Variants in RYR2 observed in about 807,000 individuals in gnomAD.
RYR2 encodes ryanodine receptor 2.
RYR2 carries 227 observed loss-of-function variants against 601.1 expected under a neutral mutation model. The ratio of observed to expected loss-of-function variants is 0.38; its 90% confidence interval spans 0.34 to 0.42. The LOEUF (loss-of-function observed/expected upper bound fraction) is 0.42, where lower values mean the gene tolerates loss of function less well. RYR2 is among the 10% of genes least tolerant of loss of function. The pLI, the probability that RYR2 is intolerant of heterozygous loss-of-function variation, is 1.00. For missense variants in RYR2, 4,646 were observed against 6,156.5 expected (o/e 0.75, Z 8.21); for synonymous variants, 2,223 against 2,175.1 (o/e 1.02, Z -0.61).
intron 1 of RYR2, among the ~76,000 whole-genome samples, chr1:237,046,168 A>T (rs941082258): frequency 3.3e-5 from 5 of 152,214 alleles, no homozygotes; most frequent in East Asian, 1.9e-4. Context: ...GGTGACAATT[A>T]TGCAGTATAG....
chr1:237,179,131 C>T (rs925583056), intron 1 of RYR2, among the ~76,000 whole-genome samples: 3 of 152,104 alleles, frequency 2.0e-5, no homozygotes, highest in South Asian at 4.1e-4. Context: ...TTTAGGAATG[C>T]CTTGAGTAGC....
At chr1:237,593,760 C>A in intron 33 of RYR2, 124 bp downstream of exon 33, 2 of 992,828 alleles carry the variant, frequency 2.0e-6, no homozygotes, top group Non-Finnish European at 2.9e-6. Flanking sequence ...ATAATCAAGC[C>A]ATTAATGTCA....
At chr1:237,166,106 G>C (rs1676688190) in intron 1 of RYR2, among the ~76,000 whole-genome samples, 1 of 152,200 alleles carries the variant, frequency 6.6e-6, no homozygotes, top group South Asian at 2.1e-4. Context: ...AGATTCCTCT[G>C]TCAGGCCACC....
At chr1:237,489,344 C>T (rs1452813239) in intron 17 of RYR2, among the ~76,000 whole-genome samples, 1 of 152,138 alleles carries the variant, frequency 6.6e-6, no homozygotes, top group Admixed American at 6.5e-5. Context: ...CCATCTCATA[C>T]CAGTCACACT....
chr1:237,099,784 A>G (rs991576406), intron 1 of RYR2, among the ~76,000 whole-genome samples: 1 of 152,224 alleles, frequency 6.6e-6, no homozygotes, highest in African/African-American at 2.4e-5. Context: ...ATTGAGTGCT[A>G]GGCACTAATC....
intron 1 of RYR2, among the ~76,000 whole-genome samples, chr1:237,110,146 C>T (rs1419979919): frequency 1.3e-5 from 2 of 151,990 alleles, no homozygotes; most frequent in African/African-American, 2.4e-5. Context: ...AATTTTTACT[C>T]AAGTTCTTAA....
At chr1:237,115,071 A>G (rs1339475728) in intron 1 of RYR2, among the ~76,000 whole-genome samples, 2 of 152,280 alleles carry the variant, frequency 1.3e-5, no homozygotes, top group Non-Finnish European at 1.5e-5. Flanking sequence ...AAGGATGGCC[A>G]GGCAATAGTT....
At chr1:237,706,723 G>A (rs1425886346) in intron 67 of RYR2, among the ~76,000 whole-genome samples, 2 of 152,176 alleles carry the variant, frequency 1.3e-5, no homozygotes, top group Admixed American at 1.3e-4. Context: ...TTGCTGTAAA[G>A]TAGGAGGAAT....
intron 8 of RYR2, among the ~76,000 whole-genome samples, chr1:237,385,854 A>G (rs1284933504): frequency 1.3e-5 from 2 of 152,270 alleles, no homozygotes; most frequent in African/African-American, 2.4e-5. Context: ...CACAGCTGTG[A>G]ACCTGTGTCA....
chr1:237,591,538 TG>T (rs1352067092), intron 31 of RYR2, among the ~76,000 whole-genome samples, 200 bp from the exon 32 acceptor site: 12 of 152,054 alleles, frequency 7.9e-5, no homozygotes, highest in Non-Finnish European at 1.6e-4. Flanking sequence ...AGCAGCATCC[TG>T]ACCTCCACCC....
At chr1:237,176,589 A>G (rs926559009) in intron 1 of RYR2, among the ~76,000 whole-genome samples, 3 of 151,994 alleles carry the variant, frequency 2.0e-5, no homozygotes, top group Admixed American at 2.0e-4. Context: ...TTTTTAAAAA[A>G]CACCTTTAAT....
chr1:237,501,214 G>A (rs945914989), intron 21 of RYR2, among the ~76,000 whole-genome samples: 1 of 150,000 alleles, frequency 6.7e-6, no homozygotes, highest in African/African-American at 2.5e-5. Context: ...GATGAAATGA[G>A]CAAGGCTGTT....
chr1:237,628,180 C>A, intron 41 of RYR2, 100 bp downstream of exon 41: 1 of 1,284,488 alleles, frequency 7.8e-7, no homozygotes, highest in Non-Finnish European at 1.1e-6. Context: ...AATATATTGT[C>A]TGGATTATAC....
intron 79 of RYR2, among the ~76,000 whole-genome samples, chr1:237,740,711 A>C (rs1380577162): frequency 6.6e-6 from 1 of 152,152 alleles, no homozygotes; most frequent in Non-Finnish European, 1.5e-5. Context: ...ATTGTATATT[A>C]GTGTTCTAAT....
At chr1:237,405,548 C>A (rs1369598488) in intron 10 of RYR2, among the ~76,000 whole-genome samples, 3 of 152,178 alleles carry the variant, frequency 2.0e-5, no homozygotes, top group Non-Finnish European at 4.4e-5. Context: ...GACAGCAATT[C>A]AAATATATCA....
intron 79 of RYR2, among the ~76,000 whole-genome samples, chr1:237,735,882 T>C (rs956675559): frequency 6.6e-5 from 10 of 152,216 alleles, no homozygotes; most frequent in Non-Finnish European, 2.9e-5. Flanking sequence ...TTTTACTTTC[T>C]CCAAATATTT....
At chr1:237,092,189 C>T (rs1667026114) in intron 1 of RYR2, among the ~76,000 whole-genome samples, 1 of 152,114 alleles carries the variant, frequency 6.6e-6, no homozygotes, top group African/African-American at 2.4e-5. Context: ...TGTAGTCTGC[C>T]CACCCTTGGG....
chr1:237,631,910 G>C (rs902942248), intron 42 of RYR2, among the ~76,000 whole-genome samples: 3 of 151,910 alleles, frequency 2.0e-5, no homozygotes, highest in Non-Finnish European at 4.4e-5. Flanking sequence ...TGGGATTACA[G>C]GCGTGAGCCA....
intron 34 of RYR2, among the ~76,000 whole-genome samples, chr1:237,599,808 CAA>C (rs56123861): frequency 0.21 from 22,754 of 106,628 alleles, 1,306 homozygotes; most frequent in East Asian, 0.45. Flanking sequence ...GACTCCATCT[CAA>C]AAAAAAAAAA....
Sources: allele counts gnomAD v4.1 joint callset (sites outside exome capture counted in the v4.1 genomes callset), GRCh38; gene constraint gnomAD v4.1.1; transcripts MANE v1.5; gene names NCBI Gene and HGNC (gene_info 2026-07-23, HGNC 2026-07-21).